The following PCSK5 variants were observed in gnomAD, a reference collection of about 807,000 sequenced individuals.
PCSK5 encodes the protein proprotein convertase subtilisin/kexin type 5.
Under a neutral mutation model 233.2 loss-of-function variants are expected in PCSK5, and 129 were observed. The ratio of observed to expected loss-of-function variants is 0.55; its 90% CI spans 0.48 to 0.64. The LOEUF (loss-of-function observed/expected upper bound fraction) is 0.64. PCSK5 is among the 30% of genes least tolerant of loss of function. PCSK5 has a pLI of 0.00. For synonymous variants in PCSK5, 825 were observed against 879.2 expected, an observed-to-expected ratio of 0.94 and a Z score of 1.09; for missense variants, 2,076 against 2,430.1, an observed-to-expected ratio of 0.85 and a Z score of 3.06.
At chr9:75,972,460 T>G (rs1293999330) in intron 2 of PCSK5, among the ~76,000 whole-genome samples, 4 of 152,236 alleles carry the variant, frequency 2.6e-5, no homozygotes, top group African/African-American at 9.6e-5. Context: ...ATCCATAAAT[T>G]ACTCTGGGCA....
intron 3 of PCSK5, among the ~76,000 whole-genome samples, chr9:75,998,497 C>T (rs887734087): frequency 1.1e-4 from 17 of 152,146 alleles, no homozygotes; most frequent in East Asian, 7.7e-4. Flanking sequence ...TGCTCAATAC[C>T]GCTCTAGTAA....
At chr9:76,029,603 C>T (rs555973322) in intron 5 of PCSK5, among the ~76,000 whole-genome samples, 10 of 152,234 alleles carry the variant, frequency 6.6e-5, no homozygotes, top group Non-Finnish European at 1.2e-4. Flanking sequence ...GATGGAACTG[C>T]GTTCCATAAG....
chr9:76,184,282 T>C (rs1423628161), intron 16 of PCSK5, among the ~76,000 whole-genome samples: 1 of 152,142 alleles, frequency 6.6e-6, no homozygotes, highest in African/African-American at 2.4e-5. Flanking sequence ...GTCTCAGGCA[T>C]TGCCTTTCAA....
intron 24 of PCSK5, among the ~76,000 whole-genome samples, chr9:76,284,795 G>T (rs1828009749): frequency 6.6e-6 from 1 of 152,018 alleles, no homozygotes; most frequent in African/African-American, 2.4e-5. Context: ...GCCTCCCAAA[G>T]TGCTGGGATT....
At chr9:76,283,821 T>G (rs1307897723) in intron 24 of PCSK5, among the ~76,000 whole-genome samples, 2 of 152,232 alleles carry the variant, frequency 1.3e-5, no homozygotes, top group African/African-American at 4.8e-5. Flanking sequence ...TTCAAACATT[T>G]TCATTCACAT....
At chr9:76,323,011 C>T in intron 31 of PCSK5, 41 bp from the exon 32 acceptor site, 2 of 1,122,628 alleles carry the variant, frequency 1.8e-6, no homozygotes, top group Admixed American at 2.0e-5. Context: ...TTCCTTTCTC[C>T]TACCCCCCGG....
At chr9:76,082,130 A>G (rs562058985) in intron 7 of PCSK5, among the ~76,000 whole-genome samples, 2 of 152,078 alleles carry the variant, frequency 1.3e-5, no homozygotes, top group Admixed American at 1.3e-4. Context: ...GTTCTTTGTC[A>G]GTTTTGCCAG....
At chr9:75,941,477 T>G (rs977000307) in intron 2 of PCSK5, among the ~76,000 whole-genome samples, 2 of 152,062 alleles carry the variant, frequency 1.3e-5, no homozygotes, top group African/African-American at 4.8e-5. Flanking sequence ...ATGCACTGTA[T>G]TCTTCTGGAA....
intron 24 of PCSK5, 143 bp downstream of exon 24, chr9:76,240,827 T>C: frequency 3.1e-6 from 2 of 647,564 alleles, no homozygotes; most frequent in Non-Finnish European, 5.6e-6. Flanking sequence ...GTAGGCTTTC[T>C]TCAATACAAA....
intron 24 of PCSK5, among the ~76,000 whole-genome samples, chr9:76,289,444 TA>T (rs5898464): frequency 0.22 from 32,400 of 149,158 alleles, 3,741 homozygotes; most frequent in Middle Eastern, 0.3. Flanking sequence ...GTAGCTTGTT[TA>T]AGACTCCCTT....
In PCSK5 at chr9:76,296,771, T is replaced by TG; in HGVS notation, c.3430dup (p.Asp1144GlyfsTer32). On this transcript the variant is annotated frameshift_variant, in exon 27 of 38. Coordinates refer to ENST00000674117, the MANE Select transcript of PCSK5 (RefSeq NM_001372043.1). LOFTEE classifies it high-confidence loss of function. The stretch of plus-strand genomic sequence containing the variant: ...GCGAAACCTGCACAGGCCCTGGTCA[T>TG]GACGAGTGCAGCAGCTGCCAGGAAG... The TG allele has an allele frequency of 6.2e-7, 1 of 1,611,680 alleles. No homozygotes were observed. The highest frequency in any genetic ancestry group is 8.5e-7 in the Non-Finnish European group (1 of 1,178,926).
chr9:76,050,217 A>G (rs536462925), intron 5 of PCSK5, among the ~76,000 whole-genome samples: 2 of 152,292 alleles, frequency 1.3e-5, no homozygotes, highest in South Asian at 4.1e-4. Context: ...TATTCATAAA[A>G]TTAGATTTTA....
intron 20 of PCSK5, among the ~76,000 whole-genome samples, chr9:76,196,256 T>C (rs1248239564): frequency 6.6e-6 from 1 of 152,206 alleles, no homozygotes. Context: ...CCCACTAGTA[T>C]GTGTCTGTAG....
chr9:75,904,517 G>A (rs773213855), intron 1 of PCSK5, among the ~76,000 whole-genome samples: 13 of 152,248 alleles, frequency 8.5e-5, no homozygotes, highest in Admixed American at 7.2e-4. Context: ...ATGCAAATGG[G>A]CAAGAAGCAC....
Position 76,321,476 on chromosome 9 carries a change from A to T in PCSK5, c.3939A>T (p.Thr1313=), listed in dbSNP as rs771184926. Reference sequence around the variant, plus strand: ...AACGCTGTAGCTCTCCTTGCAGAACATGTGAAGGAAACGCCACCAACTGCC... The same window carrying T: ...AACGCTGTAGCTCTCCTTGCAGAACTTGTGAAGGAAACGCCACCAACTGCC... The part of the protein sequence containing the change: ...ICERCSSPCR[T]CEGNATNCHS... Residue 1313 remains threonine (T), a synonymous_variant, in exon 31 of 38, where the codon ACA becomes ACT. Coordinates refer to ENST00000674117, the MANE Select transcript of PCSK5 (RefSeq NM_001372043.1). The T allele has an allele frequency of 6.2e-7, 1 of 1,612,040 alleles. No homozygotes were observed.
At chr9:76,304,315 A>G (rs961480877) in intron 28 of PCSK5, among the ~76,000 whole-genome samples, 1 of 152,128 alleles carries the variant, frequency 6.6e-6, no homozygotes, top group African/African-American at 2.4e-5. Context: ...CATCCTATCT[A>G]TGTATGTACC....
intron 2 of PCSK5, among the ~76,000 whole-genome samples, chr9:75,957,803 GA>G (rs1228985858): frequency 1.3e-5 from 2 of 152,154 alleles, no homozygotes; most frequent in African/African-American, 4.8e-5. Flanking sequence ...TAGTCAAGAA[GA>G]AAAAATGAAA....
intron 5 of PCSK5, among the ~76,000 whole-genome samples, chr9:76,035,003 G>A (rs1032193469): frequency 2.6e-5 from 4 of 152,114 alleles, no homozygotes; most frequent in Non-Finnish European, 2.9e-5. Flanking sequence ...TATCCCAGAA[G>A]GCTGACTTTG....
At chr9:76,272,376 C>G (rs1272770829) in intron 24 of PCSK5, among the ~76,000 whole-genome samples, 1 of 152,022 alleles carries the variant, frequency 6.6e-6, no homozygotes, top group Non-Finnish European at 1.5e-5. Context: ...CTCTCATTTT[C>G]AAAAATCCAC....
Sources: allele counts gnomAD v4.1 joint callset (sites outside exome capture counted in the v4.1 genomes callset), GRCh38; gene constraint gnomAD v4.1.1; transcripts MANE v1.5; gene names NCBI Gene and HGNC (gene_info 2026-07-23, HGNC 2026-07-21).